CDH4: variants seen among roughly 807,000 people sequenced by gnomAD.
CDH4 encodes cadherin 4.
A neutral mutation model predicts 86.0 loss-of-function variants in CDH4; 33 were observed. The observed-to-expected ratio is 0.38, with a 90% CI of 0.29 to 0.51. The LOEUF is 0.51. Ranked by LOEUF, CDH4 falls within the 20% of genes least tolerant of loss-of-function variation. CDH4 has a pLI of 0.86. For missense variants in CDH4, 1,114 were observed against 1,307.4 expected, an observed-to-expected ratio of 0.85 and a Z score of 2.28; for synonymous variants, 555 against 549.4, an observed-to-expected ratio of 1.01 and a Z score of -0.14.
intron 2 of CDH4, among the ~76,000 whole-genome samples, chr20:61,729,534 C>T (rs1481584269): frequency 1.3e-5 from 2 of 152,232 alleles, no homozygotes; most frequent in African/African-American, 2.4e-5. Context: ...AAGGCTCTTT[C>T]GCCACAGCAG....
chr20:61,824,149 C>T (rs1040966053), intron 4 of CDH4, among the ~76,000 whole-genome samples: 1 of 152,150 alleles, frequency 6.6e-6, no homozygotes, highest in African/African-American at 2.4e-5. Flanking sequence ...GCTTCGTGCC[C>T]ACTTTCTATT....
intron 2 of CDH4, among the ~76,000 whole-genome samples, chr20:61,587,531 C>T (rs1884227): frequency 0.55 from 83,310 of 151,914 alleles, 24,324 homozygotes; most frequent in Non-Finnish European, 0.64. Flanking sequence ...GTCCTGCTTC[C>T]TGAGGCAGGG....
intron 2 of CDH4, among the ~76,000 whole-genome samples, chr20:61,652,862 G>C (rs1284465913): frequency 6.8e-6 from 1 of 146,390 alleles, no homozygotes. Context: ...TTTTTTTGGG[G>C]GGGGGATAAA....
intron 2 of CDH4, among the ~76,000 whole-genome samples, chr20:61,382,620 C>T (rs890053393): frequency 3.9e-5 from 6 of 152,212 alleles, no homozygotes; most frequent in Non-Finnish European, 1.5e-5. Flanking sequence ...GTCTGAAATG[C>T]AGGTGCGAGC....
At chr20:61,894,024 T>C (rs1272412704) in intron 7 of CDH4, among the ~76,000 whole-genome samples, 1 of 152,174 alleles carries the variant, frequency 6.6e-6, no homozygotes, top group Non-Finnish European at 1.5e-5. Flanking sequence ...TCAGGATTGT[T>C]AGTCACTTGG....
At chr20:61,923,821 G>A (rs568395526) in intron 10 of CDH4, 117 bp downstream of exon 10, 26 of 1,327,828 alleles carry the variant, frequency 2.0e-5, no homozygotes, top group Non-Finnish European at 2.4e-5. Context: ...GGTGGTCGGG[G>A]GCATCTCCAA....
chr20:61,691,343 G>A (rs1410164720), intron 2 of CDH4, among the ~76,000 whole-genome samples: 1 of 152,086 alleles, frequency 6.6e-6, no homozygotes, highest in Non-Finnish European at 1.5e-5. Context: ...GTGTGTATGT[G>A]TGTGTATTTT....
rs1365898925 is a variant in CDH4 at position 61,686,496 on chromosome 20, C to T, written c.170-57067C>T. ...GTATATGTGCGTGTGTGTGCATTCGCGTGTGTGTATATGTGTGTGCATTCG... is the reference window on the plus strand; with the variant it reads ...GTATATGTGCGTGTGTGTGCATTCGTGTGTGTGTATATGTGTGTGCATTCG... On this transcript the variant is annotated intron_variant, in intron 2 of 15. Transcript: ENST00000614565. 7.1e-5 allele frequency among the ~76,000 whole-genome samples: 10 copies of T among 140,768 alleles called. No homozygotes were observed. In the South Asian group the frequency reaches 9.3e-4, roughly 13 times the overall value. The allele number at this position is 140,768 out of a possible 152,430, so 92.3% of individuals were successfully genotyped here.
intron 2 of CDH4, among the ~76,000 whole-genome samples, chr20:61,603,056 C>A (rs1600798862): frequency 6.6e-6 from 1 of 152,218 alleles, no homozygotes; most frequent in Admixed American, 6.5e-5. Flanking sequence ...TAAGGATACA[C>A]GTTGGGAGCG....
At chr20:61,705,968 A>C (rs1196771717) in intron 2 of CDH4, among the ~76,000 whole-genome samples, 1 of 152,192 alleles carries the variant, frequency 6.6e-6, no homozygotes, top group Non-Finnish European at 1.5e-5. Flanking sequence ...TCCTTCTCTT[A>C]AAGGCGCCTG....
chr20:61,560,543 C>T (rs1276328880), intron 2 of CDH4, among the ~76,000 whole-genome samples: 13 of 152,224 alleles, frequency 8.5e-5, no homozygotes, highest in Admixed American at 7.8e-4. Context: ...TGGGCCAAGT[C>T]CTTGGCCAAG....
At chr20:61,495,853 A>T (rs2085657755) in intron 2 of CDH4, among the ~76,000 whole-genome samples, 1 of 145,232 alleles carries the variant, frequency 6.9e-6, no homozygotes, top group Non-Finnish European at 1.5e-5. Context: ...TGGTGAGCTG[A>T]GATAGTGCCA....
At chr20:61,320,963 G>A (rs1434305394) in intron 2 of CDH4, among the ~76,000 whole-genome samples, 4 of 152,058 alleles carry the variant, frequency 2.6e-5, no homozygotes, top group Non-Finnish European at 5.9e-5. Context: ...CCCTGCTGTG[G>A]GGAAGTGTCC....
intron 2 of CDH4, among the ~76,000 whole-genome samples, chr20:61,742,137 A>AG (rs1434023085): frequency 1.3e-4 from 19 of 151,804 alleles, no homozygotes; most frequent in Non-Finnish European, 2.8e-4. Context: ...TCAAAAAAAA[A>AG]AAATGTAATG....
At chr20:61,679,553 G>A (rs1190624415) in intron 2 of CDH4, among the ~76,000 whole-genome samples, 1 of 152,184 alleles carries the variant, frequency 6.6e-6, no homozygotes, top group Non-Finnish European at 1.5e-5. Flanking sequence ...TGCACACCCA[G>A]GAAGCCACTA....
At chr20:61,630,830 G>A (rs1027387459) in intron 2 of CDH4, among the ~76,000 whole-genome samples, 13 of 152,182 alleles carry the variant, frequency 8.5e-5, no homozygotes, top group African/African-American at 1.9e-4. Context: ...CACCAAACCC[G>A]TCCAGAGCCC....
At chr20:61,662,733 C>G (rs2087273632) in intron 2 of CDH4, among the ~76,000 whole-genome samples, 1 of 152,216 alleles carries the variant, frequency 6.6e-6, no homozygotes, top group African/African-American at 2.4e-5. Context: ...GGGCGGCTCA[C>G]CTGGACTCCG....
intron 3 of CDH4, among the ~76,000 whole-genome samples, chr20:61,765,518 C>T (rs1249094993): frequency 4.6e-5 from 7 of 152,182 alleles, no homozygotes; most frequent in South Asian, 2.1e-4. Context: ...ACAGACAGGC[C>T]GGGCTCTCAG....
intron 2 of CDH4, among the ~76,000 whole-genome samples, chr20:61,565,222 AGGTGGT>A (rs1228602020): frequency 0.084 from 900 of 10,696 alleles, 170 homozygotes; most frequent in South Asian, 0.17. Context: ...TCTCGGTGGT[AGGTGGT>A]GGTGGTGGTG....
Sources: gnomAD v4.1 joint callset for allele counts (sites outside exome capture counted in the v4.1 genomes callset) on GRCh38, gnomAD v4.1.1 for gene constraint, MANE v1.5 for transcripts, NCBI Gene and HGNC (gene_info 2026-07-23, HGNC 2026-07-21) for gene names.